Variants in JADE1 observed in about 807,000 individuals in gnomAD.
JADE1 encodes the protein jade family PHD finger 1, also known as protein Jade-1.
Under a neutral mutation model 81.8 loss-of-function variants are expected in JADE1, and 14 were observed. That is an observed-to-expected ratio of 0.17 (90% CI 0.11 to 0.27). The LOEUF is 0.27. Among genes scored for constraint, JADE1 ranks in the 10% least tolerant of loss-of-function variants. The pLI, the probability that JADE1 is intolerant of heterozygous loss-of-function variation, is 1.00. For synonymous variants in JADE1, 353 were observed against 391.9 expected, an observed-to-expected ratio of 0.90 and a Z score of 1.17; for missense variants, 690 against 1,047.9, an observed-to-expected ratio of 0.66 and a Z score of 4.71.
At chr4:128,866,959 ATT>A (rs1491329047) in intron 9 of JADE1, among the ~76,000 whole-genome samples, 4 of 152,180 alleles carry the variant, frequency 2.6e-5, no homozygotes, top group African/African-American at 9.7e-5. Context: ...TTAGAGACTA[ATT>A]CTTTAAGTTT....
At chr4:128,816,526 A>G (rs1057463605) in intron 1 of JADE1, 2 of 152,192 alleles carry the variant, frequency 1.3e-5, no homozygotes, top group Non-Finnish European at 2.9e-5. Context: ...AACTTTGGCT[A>G]TGATGGGGCC....
chr4:128,817,541 C>T (rs934430439), intron 1 of JADE1, among the ~76,000 whole-genome samples: 2 of 152,320 alleles, frequency 1.3e-5, no homozygotes, highest in Non-Finnish European at 2.9e-5. Flanking sequence ...CAAGAAATAG[C>T]AATGTTATTA....
At chr4:128,844,341 A>G (rs137881869) in intron 3 of JADE1, among the ~76,000 whole-genome samples, 1 of 152,304 alleles carries the variant, frequency 6.6e-6, no homozygotes, top group Non-Finnish European at 1.5e-5. Context: ...TCCCAGCCCT[A>G]CATTTTGGTC....
rs1056735639 is a variant in JADE1 at position 128,855,801 on chromosome 4, C to T, written c.864+4C>T. On this transcript the variant is annotated splice_donor_region_variant and intron_variant, in intron 7 of 10. Coordinates refer to ENST00000226319, the MANE Select transcript of JADE1 (RefSeq NM_199320.4). The stretch of plus-strand genomic sequence containing the variant: ...CTGTGCTCTGTGGATCCCTGAGGTA[C>T]GTGTGGTTCTTTTTTTGTTGTTTTT... 1.3e-5 allele frequency: 21 copies of T among 1,581,198 alleles called. No individual in the cohort carries two copies. Among genetic ancestry groups the T allele is most frequent in the Middle Eastern group, 1.7e-4 (1 of 5,936 alleles).
At chr4:128,870,979 G>A (rs763352765) in intron 10 of JADE1, among the ~76,000 whole-genome samples, 1 of 152,210 alleles carries the variant, frequency 6.6e-6, no homozygotes, top group African/African-American at 2.4e-5. Context: ...GTGGAGGAGC[G>A]CGGCGCAGGT....
rs1413086889 is a variant in JADE1, at chr4:128,846,191, A to AC, written c.139-178dup. Among the ~76,000 whole-genome samples, 2 of 151,964 alleles carry AC rather than the reference A, an allele frequency of 1.3e-5. No homozygotes were observed. The highest frequency in any genetic ancestry group is 1.9e-4 in the East Asian group (1 of 5,180). On this transcript the variant is annotated intron_variant, in intron 3 of 10. Coordinates refer to ENST00000226319, the MANE Select transcript of JADE1 (RefSeq NM_199320.4). This position sits in a 1 kb window ranked among gnomAD's most constrained non-coding sequence, Gnocchi z 4.0. ...AGGGCAGTGTTCCCTCAGCACTGCC[A>AC]CCCCCCATGCCTGAGTGAGGTAAAA...
chr4:128,845,900 G>GGT (rs1729834486), intron 3 of JADE1, among the ~76,000 whole-genome samples: 1 of 151,816 alleles, frequency 6.6e-6, no homozygotes, highest in Non-Finnish European at 1.5e-5. Context: ...CTCCAGCCTG[G>GGT]GTGACAGAGC....
chr4:128,819,028 C>T (rs1391634193), intron 1 of JADE1, among the ~76,000 whole-genome samples: 2 of 152,088 alleles, frequency 1.3e-5, no homozygotes. Flanking sequence ...ATGGGGTTTG[C>T]TATGTTTCTT....
Position 128,861,438 on chromosome 4 carries a change from G to A in JADE1, c.982-266G>A, listed in dbSNP as rs539355268. Among the ~76,000 whole-genome samples, 20 of 152,362 alleles carry A rather than the reference G, an allele frequency of 1.3e-4. No individual in the cohort carries two copies. The East Asian group carries it at 3.9e-3, about 29-fold the overall frequency. ...CCAGCACTTTGGGAGGCTGAGATGG[G>A]CGGATCTCTTTTGCCCAAGAGTTGG... On this transcript the variant is annotated intron_variant, in intron 8 of 10. Coordinates refer to ENST00000226319, the MANE Select transcript of JADE1 (RefSeq NM_199320.4).
rs1486247768 is a variant in JADE1, at chr4:128,852,662, C to A, written c.696+394C>A. 3.9e-5 allele frequency among the ~76,000 whole-genome samples: 6 copies of A among 152,262 alleles called. No individual in the cohort carries two copies. The East Asian group carries it at 7.7e-4, about 20-fold the overall frequency. ...GTGCTGTATTAGTTTCTTACAGCTG[C>A]CCTGTGGAACAGACAAATTACTACA... On this transcript the variant is annotated intron_variant, in intron 6 of 10. Coordinates refer to ENST00000226319, the MANE Select transcript of JADE1 (RefSeq NM_199320.4).
intron 2 of JADE1, among the ~76,000 whole-genome samples, chr4:128,841,212 A>G (rs578047262): frequency 1.3e-5 from 2 of 152,292 alleles, no homozygotes; most frequent in East Asian, 3.9e-4. Flanking sequence ...TTTCTGGAAA[A>G]TGGTACAGTA....
In JADE1 at chr4:128,842,796, G is replaced by A. The variant is rs77610968; in HGVS notation, c.53-157G>A. On this transcript the variant is annotated intron_variant, in intron 2 of 10. Transcript: ENST00000226319. ...GGTGAGAGTTAAATAACTGATGGAC[G>A]TGGAAGAGCTCTGTGAGAGCCAGGA... Among the ~76,000 whole-genome samples the A allele has an allele frequency of 1.7e-3, 256 of 152,314 alleles. 2 individuals carry two copies. Among genetic ancestry groups the A allele is most frequent in the African/African-American group, 5.7e-3 (238 of 41,576 alleles).
chr4:128,839,228 G>A (rs559430890), intron 2 of JADE1, among the ~76,000 whole-genome samples: 1 of 152,300 alleles, frequency 6.6e-6, no homozygotes, highest in South Asian at 2.1e-4. Flanking sequence ...GGTACAACAA[G>A]AAAATGAGAA....
At chr4:128,818,004 T>A (rs946568777) in intron 1 of JADE1, among the ~76,000 whole-genome samples, 1 of 152,204 alleles carries the variant, frequency 6.6e-6, no homozygotes, top group Non-Finnish European at 1.5e-5. Context: ...GTACACTGGC[T>A]CCAAGTAGGA....
At chr4:128,856,879 A>G (rs1730837475) in intron 7 of JADE1, among the ~76,000 whole-genome samples, 1 of 152,176 alleles carries the variant, frequency 6.6e-6, no homozygotes, top group Admixed American at 6.5e-5. Flanking sequence ...GTAATTTCCC[A>G]TCTTGAATGT....
At position 128,831,059 on chromosome 4, in the gene JADE1, A is replaced by G. The variant is rs139653152; in HGVS notation, c.-26-674A>G. 9.8e-5 allele frequency among the ~76,000 whole-genome samples: 15 copies of G among 152,324 alleles called. No homozygotes were observed. In the East Asian group the frequency reaches 2.9e-3, roughly 29 times the overall value. On this transcript the variant is annotated intron_variant, in intron 1 of 10. Coordinates refer to ENST00000226319, the MANE Select transcript of JADE1 (RefSeq NM_199320.4). ...TGGAATTAGAAGCTCCATTCCCACA[A>G]CGTGACCTTGGGGAAGTTGCTGCTT... is the stretch of plus-strand genomic sequence containing the variant.
At chr4:128,867,636 C>T (rs1231744576) in intron 9 of JADE1, among the ~76,000 whole-genome samples, 3 of 152,154 alleles carry the variant, frequency 2.0e-5, no homozygotes, top group African/African-American at 4.8e-5. Context: ...TAACCCTCTT[C>T]GATGTTGCTT....
chr4:128,845,854 G>A (rs1729827169), intron 3 of JADE1, among the ~76,000 whole-genome samples: 1 of 151,858 alleles, frequency 6.6e-6, no homozygotes, highest in Admixed American at 6.6e-5. Flanking sequence ...AACCTGGGAG[G>A]CAGAGGTTGC....
intron 9 of JADE1, chr4:128,863,196 T>C: frequency 1.0e-6 from 1 of 985,582 alleles, no homozygotes; most frequent in Non-Finnish European, 1.2e-6. Flanking sequence ...ACAGGAATAA[T>C]GAGGCGTGGG....
Sources: allele counts gnomAD v4.1 joint callset (sites outside exome capture counted in the v4.1 genomes callset), GRCh38; gene constraint gnomAD v4.1.1; non-coding constraint Gnocchi (gnomAD v3.1); transcripts MANE v1.5; gene names NCBI Gene and HGNC (gene_info 2026-07-23, HGNC 2026-07-21).